The following SPIDR variants were observed in gnomAD, a reference collection of about 807,000 sequenced individuals.
The protein encoded by SPIDR is DNA repair-scaffolding protein.
Under a neutral mutation model 104.6 loss-of-function variants are expected in SPIDR, and 93 were observed. The ratio of observed to expected loss-of-function variants is 0.89; its 90% CI spans 0.75 to 1.06. The LOEUF is 1.06. SPIDR is among the 50% of genes least tolerant of loss of function. The pLI is 0.00. For missense variants in SPIDR, 1,154 were observed against 1,111.2 expected, an observed-to-expected ratio of 1.04 and a Z score of -0.55; for synonymous variants, 431 against 416.9, an observed-to-expected ratio of 1.03 and a Z score of -0.41.
At chr8:47,609,744 C>G (rs1239347449) in intron 10 of SPIDR, among the ~76,000 whole-genome samples, 1 of 152,234 alleles carries the variant, frequency 6.6e-6, no homozygotes, top group South Asian at 2.1e-4. Flanking sequence ...TCTTTAAACA[C>G]TTGATAATAC....
chr8:47,675,565 C>T (rs987207446), intron 11 of SPIDR, among the ~76,000 whole-genome samples: 1 of 152,140 alleles, frequency 6.6e-6, no homozygotes, highest in Non-Finnish European at 1.5e-5. Flanking sequence ...GCTCCTCACA[C>T]TTTGGGAAGC....
At chr8:47,453,168 C>T (rs2072208827) in intron 8 of SPIDR, among the ~76,000 whole-genome samples, 1 of 152,152 alleles carries the variant, frequency 6.6e-6, no homozygotes, top group Non-Finnish European at 1.5e-5. Context: ...ATGTGAAGGA[C>T]CTCTTCAAGG....
intron 7 of SPIDR, among the ~76,000 whole-genome samples, chr8:47,432,343 A>G (rs1563957658): frequency 2.0e-5 from 3 of 152,180 alleles, no homozygotes; most frequent in South Asian, 2.1e-4. Flanking sequence ...CATTTGAGTC[A>G]TAGTTTAATT....
At chr8:47,313,636 G>A (rs1021502583) in intron 5 of SPIDR, among the ~76,000 whole-genome samples, 17 of 152,164 alleles carry the variant, frequency 1.1e-4, no homozygotes, top group African/African-American at 3.1e-4. Context: ...CAAAGCCGGA[G>A]GCATCACGCT....
At chr8:47,406,316 A>G (rs1466028189) in intron 6 of SPIDR, among the ~76,000 whole-genome samples, 1 of 152,166 alleles carries the variant, frequency 6.6e-6, no homozygotes, top group Non-Finnish European at 1.5e-5. Context: ...CTCATTAGAC[A>G]TTTCACCTTG....
chr8:47,421,015 C>G (rs1232897383), intron 7 of SPIDR, among the ~76,000 whole-genome samples: 1 of 152,162 alleles, frequency 6.6e-6, no homozygotes, highest in Non-Finnish European at 1.5e-5. Flanking sequence ...GTGGGTAACC[C>G]CACCTTTCTC....
intron 5 of SPIDR, among the ~76,000 whole-genome samples, chr8:47,311,085 GAATA>G (rs2044068110): frequency 6.6e-6 from 1 of 152,106 alleles, no homozygotes; most frequent in African/African-American, 2.4e-5. Context: ...TGTACACCAT[GAATA>G]AACAGATAAG....
At chr8:47,301,223 T>A (rs2042022741) in intron 5 of SPIDR, among the ~76,000 whole-genome samples, 1 of 152,222 alleles carries the variant, frequency 6.6e-6, no homozygotes, top group African/African-American at 2.4e-5. Context: ...TCTCTTCTGA[T>A]CTTTGTTGGC....
intron 1 of SPIDR, among the ~76,000 whole-genome samples, chr8:47,265,003 T>G (rs1484248044): frequency 6.6e-6 from 1 of 152,154 alleles, no homozygotes; most frequent in Non-Finnish European, 1.5e-5. Context: ...GTCTTTCAGC[T>G]TCTTGAACAA....
intron 5 of SPIDR, among the ~76,000 whole-genome samples, chr8:47,365,161 T>G (rs1223092366): frequency 6.6e-6 from 1 of 152,350 alleles, no homozygotes; most frequent in Non-Finnish European, 1.5e-5. Context: ...GACATTGAAC[T>G]TTATAACAAT....
chr8:47,702,056 C>A, intron 14 of SPIDR, 41 bp downstream of exon 14: 1 of 482,558 alleles, frequency 2.1e-6, no homozygotes. Context: ...CAGCCTTTCT[C>A]TCTCTCTCTC....
intron 10 of SPIDR, among the ~76,000 whole-genome samples, chr8:47,622,781 G>A (rs1274213820): frequency 2.6e-5 from 4 of 152,148 alleles, no homozygotes; most frequent in Non-Finnish European, 5.9e-5. Context: ...TAAATTTTCA[G>A]TTGACGTTGC....
At chr8:47,527,280 A>G (rs1482257505) in intron 8 of SPIDR, 3 of 152,120 alleles carry the variant, frequency 2.0e-5, no homozygotes, top group African/African-American at 7.2e-5. Context: ...GGGAAGGAAA[A>G]ACGCCAACAC....
intron 7 of SPIDR, among the ~76,000 whole-genome samples, chr8:47,422,456 A>G (rs577319648): frequency 2.2e-4 from 34 of 152,266 alleles, no homozygotes; most frequent in Admixed American, 1.9e-3. Context: ...AGACCATTGG[A>G]AAAGCGCAGT....
intron 10 of SPIDR, among the ~76,000 whole-genome samples, chr8:47,646,984 A>C (rs1318737733): frequency 1.3e-5 from 2 of 152,176 alleles, no homozygotes; most frequent in Non-Finnish European, 2.9e-5. Context: ...ACTAAACAAA[A>C]ACTACACATA....
intron 5 of SPIDR, among the ~76,000 whole-genome samples, chr8:47,349,777 C>T (rs528425078): frequency 7.9e-5 from 12 of 152,326 alleles, no homozygotes; most frequent in Middle Eastern, 6.8e-3. Flanking sequence ...CCACTGAGCC[C>T]GGCGCGGGAT....
At position 47,598,967 on chromosome 8, in the gene SPIDR, A is replaced by G. The variant is rs751272793; in HGVS notation, c.1315A>G (p.Thr439Ala). 38 of 1,613,808 alleles carry G rather than the reference A, an allele frequency of 2.4e-5. No homozygotes were observed. The highest frequency in any genetic ancestry group is 1.0e-4 in the Admixed American group (6 of 59,972). Reference protein sequence around the residue: ...EIQVVCSGVATTGTAWTHGHK... With the variant: ...EIQVVCSGVAATGTAWTHGHK... ...CCAGGTTGTGTGTAGTGGTGTAGCC[A>G]CTACAGGGACAGCCTGGACCCATGG... The change falls in exon 10 of 20, where the codon ACT (threonine) becomes GCT (alanine). Residue 439 changes from threonine to alanine, a missense_variant. Transcript: ENST00000297423.
chr8:47,440,448 AGGCCTGGAGCT>A lies in SPIDR; in HGVS notation c.1010_1020del (p.Gly337GlufsTer46), dbSNP rs782004125. 6.2e-7 allele frequency: 1 copy of A among 1,614,196 alleles called. No individual in the cohort carries two copies. Among genetic ancestry groups the A allele is most frequent in the Non-Finnish European group, 8.5e-7 (1 of 1,180,024 alleles). ...CAGCTCCTCCCAAAGTGTGGCTCCC[AGGCCTGGAGCT>A]GGCCTGAAAGTTCTCTTCACCAAGG... On this transcript the variant is annotated frameshift_variant, in exon 8 of 20. Coordinates refer to ENST00000297423, the MANE Select transcript of SPIDR (RefSeq NM_001080394.4). LOFTEE classifies it high-confidence loss of function.
At chr8:47,507,184 T>C (rs2081610585) in intron 8 of SPIDR, among the ~76,000 whole-genome samples, 1 of 152,206 alleles carries the variant, frequency 6.6e-6, no homozygotes, top group Non-Finnish European at 1.5e-5. Context: ...TCTTCCTCCT[T>C]TGTCTGTGCT....
Sources: gnomAD v4.1 joint callset for allele counts (sites outside exome capture counted in the v4.1 genomes callset) on GRCh38, gnomAD v4.1.1 for gene constraint, MANE v1.5 for transcripts, NCBI Gene and HGNC (gene_info 2026-07-23, HGNC 2026-07-21) for gene names.